The following CBR4 variants were observed in gnomAD, a reference collection of about 807,000 sequenced individuals.
CBR4 encodes carbonyl reductase 4.
In CBR4, 22 loss-of-function variants were observed where a neutral mutation model predicts 21.0. The observed-to-expected ratio is 1.05, with a 90% CI of 0.75 to 1.50. CBR4 has a LOEUF of 1.50. Ranked by LOEUF, CBR4 falls within the 40% of genes most tolerant of loss-of-function variation. CBR4 has a pLI of 0.00. For synonymous variants in CBR4, 100 were observed against 104.4 expected, an observed-to-expected ratio of 0.96 and a Z score of 0.26; for missense variants, 302 against 286.3, an observed-to-expected ratio of 1.05 and a Z score of -0.40.
Position 168,922,251 on chromosome 4 carries a change from G to A in CBR4, n.170-27486C>T, listed in dbSNP as rs543652916. ...TGTAGGTAAATTCTGTAAAAGTGCT[G>A]TTACATGAAGTCTTATGCTTTGAGA... On this transcript the variant is annotated intron_variant and non_coding_transcript_variant, in intron 2 of 3. Transcript: ENST00000509108. Among the ~76,000 whole-genome samples, 7 of 152,062 alleles carry A rather than the reference G, an allele frequency of 4.6e-5. No individual in the cohort carries two copies. The East Asian group carries it at 1.4e-3, about 29-fold the overall frequency.
At chr4:168,980,733 C>A (rs1764522827) in intron 2 of CBR4, among the ~76,000 whole-genome samples, 1 of 152,082 alleles carries the variant, frequency 6.6e-6, no homozygotes, top group South Asian at 2.1e-4. Context: ...AAGACTCTAT[C>A]TCAAAAAAAG....
chr4:168,999,636 CAA>C (rs35396431), intron 4 of CBR4, among the ~76,000 whole-genome samples: 2,032 of 77,264 alleles, frequency 0.026, 32 homozygotes, highest in African/African-American at 0.064. Flanking sequence ...CCACCACTTT[CAA>C]AAAAAAAAAA....
At chr4:169,004,404 C>T (rs920757891) in intron 3 of CBR4, among the ~76,000 whole-genome samples, 11 of 152,202 alleles carry the variant, frequency 7.2e-5, no homozygotes, top group African/African-American at 2.7e-4. Flanking sequence ...TGAAAGATTT[C>T]TCTGCAGCAT....
intron 2 of CBR4, among the ~76,000 whole-genome samples, chr4:168,958,172 G>A (rs1334669644): frequency 6.6e-6 from 1 of 152,014 alleles, no homozygotes; most frequent in Admixed American, 6.5e-5. Context: ...GCTGAGACAG[G>A]AGAATTGCTT....
At chr4:168,933,655 C>T (rs1236362008) in intron 2 of CBR4, among the ~76,000 whole-genome samples, 1 of 152,148 alleles carries the variant, frequency 6.6e-6, no homozygotes, top group African/African-American at 2.4e-5. Flanking sequence ...GTACTACAGA[C>T]TAAATGGACC....
At chr4:168,980,958 G>A (rs1764528878) in intron 2 of CBR4, among the ~76,000 whole-genome samples, 1 of 152,114 alleles carries the variant, frequency 6.6e-6, no homozygotes, top group Admixed American at 6.5e-5. Context: ...TAACCAGAAG[G>A]AAATGGCTGA....
At chr4:168,922,653 G>C (rs1457014606) in intron 2 of CBR4, among the ~76,000 whole-genome samples, 1 of 152,186 alleles carries the variant, frequency 6.6e-6, no homozygotes, top group Non-Finnish European at 1.5e-5. Flanking sequence ...GTACCAAGAT[G>C]TTTTCACATA....
At chr4:168,914,434 T>G (rs369948103) in intron 2 of CBR4, among the ~76,000 whole-genome samples, 8 of 152,196 alleles carry the variant, frequency 5.3e-5, no homozygotes, top group African/African-American at 9.6e-5. Context: ...ATCAGCTCAT[T>G]TGTTAATGTT....
At chr4:168,931,842 A>T (rs1410074923) in intron 2 of CBR4, among the ~76,000 whole-genome samples, 1 of 152,216 alleles carries the variant, frequency 6.6e-6, no homozygotes, top group Non-Finnish European at 1.5e-5. Flanking sequence ...ACTGGATTAC[A>T]GCTGAAGAAT....
At chr4:169,000,395 A>G (rs901324215) in intron 4 of CBR4, among the ~76,000 whole-genome samples, 4 of 152,180 alleles carry the variant, frequency 2.6e-5, no homozygotes, top group Non-Finnish European at 5.9e-5. Context: ...AAAAAAAGAA[A>G]AGAAAAGAAT....
chr4:168,973,660 T>C (rs28812772), intron 2 of CBR4, among the ~76,000 whole-genome samples: 1,732 of 152,336 alleles, frequency 0.011, 49 homozygotes, highest in African/African-American at 0.039. Context: ...TAGAATTCAG[T>C]CATGAATCCA....
chr4:168,986,063 A>G (rs1348413520), downstream of CBR4, among the ~76,000 whole-genome samples: 1 of 151,942 alleles, frequency 6.6e-6, no homozygotes, highest in East Asian at 1.9e-4. Flanking sequence ...TCTAAAATAA[A>G]GTTGGAAAGG....
At chr4:168,974,476 T>C (rs1366290574) in intron 2 of CBR4, among the ~76,000 whole-genome samples, 2 of 152,232 alleles carry the variant, frequency 1.3e-5, no homozygotes, top group Non-Finnish European at 2.9e-5. Context: ...CAGGGAAGTT[T>C]TCCTTGATTG....
chr4:168,894,495 G>T, intron 3 of CBR4: 1 of 818,302 alleles, frequency 1.2e-6, no homozygotes, highest in Non-Finnish European at 2.1e-6. Context: ...ATGAAAGTGT[G>T]TTGTTTTTTA....
chr4:168,895,307 G>C (rs540714383), intron 2 of CBR4, among the ~76,000 whole-genome samples: 1 of 152,156 alleles, frequency 6.6e-6, no homozygotes, highest in Non-Finnish European at 1.5e-5. Flanking sequence ...GCTTGAACCC[G>C]GGAGGTGGAG....
intron 4 of CBR4, among the ~76,000 whole-genome samples, chr4:169,000,007 A>G (rs1184293016): frequency 6.6e-6 from 1 of 152,224 alleles, no homozygotes; most frequent in Non-Finnish European, 1.5e-5. Context: ...AGTTTGCTGC[A>G]TGAGTTATTG....
chr4:168,921,806 A>C, intron 2 of CBR4: 1 of 1,229,442 alleles, frequency 8.1e-7, no homozygotes, highest in African/African-American at 1.5e-5. Flanking sequence ...ATGTAAACTA[A>C]TTCTACATTA....
At chr4:168,962,754 A>G (rs769272218) in intron 2 of CBR4, among the ~76,000 whole-genome samples, 3 of 152,228 alleles carry the variant, frequency 2.0e-5, no homozygotes, top group African/African-American at 7.2e-5. Context: ...CGTGTTGAAT[A>G]AGAAGACAGC....
At chr4:168,915,240 T>C (rs1478201637) in intron 2 of CBR4, among the ~76,000 whole-genome samples, 1 of 152,226 alleles carries the variant, frequency 6.6e-6, no homozygotes, top group Admixed American at 6.5e-5. Flanking sequence ...ACTGACAGAA[T>C]TTGTATTCAA....
Sources: gnomAD v4.1 joint callset for allele counts (sites outside exome capture counted in the v4.1 genomes callset) on GRCh38, gnomAD v4.1.1 for gene constraint, MANE v1.5 for transcripts, NCBI Gene and HGNC (gene_info 2026-07-23, HGNC 2026-07-21) for gene names.